UACA: variants seen among roughly 807,000 people sequenced by gnomAD.
The protein encoded by UACA is uveal autoantigen with coiled-coil domains and ankyrin repeats, also known as nuclear membrane binding protein.
A neutral mutation model predicts 160.5 loss-of-function variants in UACA; 112 were observed. The observed-to-expected ratio is 0.70, with a 90% CI of 0.60 to 0.82. UACA has a LOEUF of 0.82. Ranked by LOEUF, UACA falls within the 40% of genes least tolerant of loss-of-function variation. The probability of loss-of-function intolerance (pLI) is 0.00; values close to 1 mark genes in which losing one functional copy is unlikely to be tolerated. For missense variants in UACA, 1,574 were observed against 1,614.6 expected (o/e 0.97, Z 0.43); for synonymous variants, 557 against 568.4 (o/e 0.98, Z 0.29).
rs1491091552 is a variant in UACA, at chr15:70,718,324, A to ATGTATGTG, written c.79-18665_79-18664insCACATACA. Among the ~76,000 whole-genome samples, 21 of 60,228 alleles carry ATGTATGTG rather than the reference A, an allele frequency of 3.5e-4. No homozygotes were observed. The Admixed American group carries it at 3.9e-3, about 11-fold the overall frequency. The allele number at this position is 60,228 out of a possible 152,430, so 39.5% of individuals were successfully genotyped here. On this transcript the variant is annotated intron_variant, in intron 1 of 18. Transcript: ENST00000322954. ...AGAGGGAGAGGGAGAGAGAGAGAGA[A>ATGTATGTG]TGTGTGTGTGTGTGTGTGTGTGTGT...
upstream of UACA, among the ~76,000 whole-genome samples, chr15:70,765,750 A>T (rs929891504): frequency 2.0e-5 from 3 of 152,198 alleles, no homozygotes; most frequent in African/African-American, 7.2e-5. Context: ...GATTCCCCCT[A>T]TTGTGAACAC....
At chr15:70,702,058 T>C in intron 1 of UACA, 1 of 1,384,112 alleles carries the variant, frequency 7.2e-7, no homozygotes, top group Non-Finnish European at 9.4e-7. Flanking sequence ...TTAGCTTGGA[T>C]CTCTAACGAT....
chr15:70,725,527 T>C (rs1899118763), intron 1 of UACA, among the ~76,000 whole-genome samples: 1 of 152,216 alleles, frequency 6.6e-6, no homozygotes, highest in Non-Finnish European at 1.5e-5. Context: ...GCCAATACTT[T>C]AGGAAAACTT....
intron 11 of UACA, among the ~76,000 whole-genome samples, chr15:70,677,520 G>A (rs777628793): frequency 5.9e-5 from 9 of 152,224 alleles, no homozygotes; most frequent in Non-Finnish European, 1.2e-4. Context: ...CGGAAAATTA[G>A]AATCACAAGG....
At chr15:70,661,004 C>G (rs901910103) in intron 17 of UACA, 9 of 152,200 alleles carry the variant, frequency 5.9e-5, no homozygotes, top group African/African-American at 2.2e-4. Context: ...CAGGCATCCA[C>G]TGGGGATCTT....
the UACA span, among the ~76,000 whole-genome samples, chr15:70,775,440 A>G: frequency 6.6e-6 from 1 of 152,136 alleles, no homozygotes; most frequent in Non-Finnish European, 1.5e-5. Context: ...AGCAAGGATC[A>G]CTTTGGGATC....
the UACA span, among the ~76,000 whole-genome samples, chr15:70,769,176 G>C: frequency 1.3e-5 from 2 of 151,814 alleles, no homozygotes; most frequent in African/African-American, 4.8e-5. Context: ...GGCTAACACG[G>C]TGAAACCCCA....
intron 1 of UACA, among the ~76,000 whole-genome samples, chr15:70,752,559 T>C (rs1041470975): frequency 1.3e-5 from 2 of 149,528 alleles, no homozygotes; most frequent in Non-Finnish European, 3.0e-5. Flanking sequence ...TCTCTCTCTC[T>C]AGAGCTCTCT....
intron 2 of UACA, among the ~76,000 whole-genome samples, chr15:70,696,834 T>G (rs1898144659): frequency 6.6e-6 from 1 of 152,166 alleles, no homozygotes. Context: ...TTTTCATTTC[T>G]TAGCTCACAA....
chr15:70,691,096 T>A (rs1051407079), intron 4 of UACA, among the ~76,000 whole-genome samples: 1 of 152,202 alleles, frequency 6.6e-6, no homozygotes, highest in Non-Finnish European at 1.5e-5. Context: ...TTATTTTTAA[T>A]ACACTGAGTT....
At chr15:70,701,298 T>G (rs1898354555) in intron 1 of UACA, among the ~76,000 whole-genome samples, 1 of 152,192 alleles carries the variant, frequency 6.6e-6, no homozygotes, top group Non-Finnish European at 1.5e-5. Flanking sequence ...ATCACCTTTC[T>G]TAAGCTTTAA....
intron 1 of UACA, among the ~76,000 whole-genome samples, chr15:70,736,728 C>T (rs890621679): frequency 1.3e-5 from 2 of 152,114 alleles, no homozygotes; most frequent in Non-Finnish European, 2.9e-5. Flanking sequence ...CGTGAGCCAC[C>T]GCACCCAGCC....
chr15:70,769,516 T>A, the UACA span, among the ~76,000 whole-genome samples: 1 of 151,182 alleles, frequency 6.6e-6, no homozygotes, highest in Non-Finnish European at 1.5e-5. Flanking sequence ...AAAATCTGGA[T>A]ATAGAAATGT....
intron 1 of UACA, among the ~76,000 whole-genome samples, chr15:70,727,033 T>A (rs147441467): frequency 2.6e-5 from 4 of 152,196 alleles, no homozygotes; most frequent in Non-Finnish European, 5.9e-5. Flanking sequence ...ACATTCTTTT[T>A]TGCCTTCATC....
At chr15:70,674,019 G>A (rs1164897175) in intron 13 of UACA, among the ~76,000 whole-genome samples, 3 of 151,958 alleles carry the variant, frequency 2.0e-5, no homozygotes, top group Non-Finnish European at 2.9e-5. Flanking sequence ...GCACCACCTC[G>A]CCCAGCTAAT....
chr15:70,772,530 A>G, the UACA span, among the ~76,000 whole-genome samples: 1 of 148,412 alleles, frequency 6.7e-6, no homozygotes, highest in Non-Finnish European at 1.5e-5. Flanking sequence ...ATCTAGGTAG[A>G]TGGTGCTGCT....
intron 1 of UACA, chr15:70,758,153 T>C (rs2141017683): frequency 6.6e-6 from 1 of 152,356 alleles, no homozygotes; most frequent in South Asian, 2.1e-4. Context: ...GGACTCATTA[T>C]GCACCAAAAG....
the UACA span, among the ~76,000 whole-genome samples, chr15:70,773,383 G>T: frequency 2.0e-5 from 3 of 152,312 alleles, no homozygotes; most frequent in East Asian, 5.8e-4. Flanking sequence ...GAGAAATAGG[G>T]ATAGCAGCTG....
chr15:70,658,661 T>C (rs908646577), intron 18 of UACA, among the ~76,000 whole-genome samples: 1 of 152,208 alleles, frequency 6.6e-6, no homozygotes, highest in Admixed American at 6.5e-5. Flanking sequence ...GTTGATTAAA[T>C]GCAACTCAAT....
Sources: allele counts gnomAD v4.1 joint callset (sites outside exome capture counted in the v4.1 genomes callset), GRCh38; gene constraint gnomAD v4.1.1; transcripts MANE v1.5; gene names NCBI Gene and HGNC (gene_info 2026-07-23, HGNC 2026-07-21).